The following NKAP variants were observed in gnomAD, a reference collection of about 807,000 sequenced individuals.
NKAP encodes NFKB activating protein.
A neutral mutation model predicts 35.6 loss-of-function variants in NKAP; 4 were observed. The ratio of observed to expected loss-of-function variants is 0.11; its 90% confidence interval spans 0.06 to 0.26. NKAP has a LOEUF of 0.26. NKAP is among the 10% of genes least tolerant of loss of function. NKAP has a pLI of 1.00. For missense variants in NKAP, 238 were observed against 321.9 expected (o/e 0.74, Z 1.99); for synonymous variants, 106 against 119.2 (o/e 0.89, Z 0.72).
At chrX:119,933,601 A>G (rs1474094855) in intron 5 of NKAP, among the ~76,000 whole-genome samples, 1 of 112,218 alleles carries the variant, frequency 8.9e-6, no homozygotes, top group Non-Finnish European at 1.9e-5. Context: ...TGATTGGAAT[A>G]AACTACAGAA....
At chrX:119,929,001 A>G (rs1000446545) in intron 8 of NKAP, among the ~76,000 whole-genome samples, 1 of 110,751 alleles carries the variant, frequency 9.0e-6, no homozygotes, top group Non-Finnish European at 1.9e-5. Flanking sequence ...GGTTCATGCG[A>G]TTCTCCTGCT....
chrX:119,943,636 C>T lies in NKAP; in HGVS notation c.-31G>A, dbSNP rs2056805992. 2 of 1,139,080 alleles carry T rather than the reference C, an allele frequency of 1.8e-6. No homozygotes were observed. Among genetic ancestry groups the T allele is most frequent in the Non-Finnish European group, 2.3e-6 (2 of 863,736 alleles). The allele number at this position is 1,139,080 out of a possible 1,213,427, so 93.9% of individuals were successfully genotyped here. ...CTGGGGGGCCCCAGCAGCCGTGGGA[C>T]AAGGGGGCGCTCTCGCGAGCCTAGG... On this transcript the variant is annotated 5_prime_UTR_variant, in exon 1 of 9. Coordinates refer to ENST00000371410, the MANE Select transcript of NKAP (RefSeq NM_024528.4).
At chrX:119,934,043 T>C (rs1335881163) in intron 5 of NKAP, among the ~76,000 whole-genome samples, 1 of 111,926 alleles carries the variant, frequency 8.9e-6, no homozygotes, top group African/African-American at 3.2e-5. Context: ...AAATAAATGA[T>C]GGATGGCAGA....
chrX:119,934,633 T>A, intron 4 of NKAP, 76 bp from the exon 5 acceptor site: 2 of 659,436 alleles, frequency 3.0e-6, no homozygotes, highest in Non-Finnish European at 4.6e-6. Context: ...AGTAGGTAAC[T>A]ATCCTATTGC....
chrX:119,936,863 G>T (rs2056769377), intron 2 of NKAP, 181 bp from the exon 3 acceptor site: 3 of 394,608 alleles, frequency 7.6e-6, no homozygotes, highest in Non-Finnish European at 1.3e-5. Context: ...CAACAACAAA[G>T]CAAGCACTGA....
At chrX:119,929,684 A>G (rs747708865) in intron 8 of NKAP, among the ~76,000 whole-genome samples, 4 of 111,948 alleles carry the variant, frequency 3.6e-5, no homozygotes, top group Non-Finnish European at 5.6e-5. Context: ...TAACTGCCAC[A>G]TTCCTCATGG....
At position 119,943,591 on chromosome X, in the gene NKAP, G is replaced by A; in HGVS notation, c.15C>T (p.Ser5=). 8.5e-7 allele frequency: 1 copy of A among 1,182,744 alleles called. No individual in the cohort carries two copies. The highest frequency in any genetic ancestry group is 1.1e-6 in the Non-Finnish European group (1 of 879,264). Residue 5 remains serine, a synonymous_variant, in exon 1 of 9, where the codon TCC becomes TCT. Coordinates refer to ENST00000371410, the MANE Select transcript of NKAP (RefSeq NM_024528.4). The stretch of plus-strand genomic sequence containing the variant: ...CCTCCCTATCCGGGCTGCGTGAGCC[G>A]GACACCGGAGCCATGGCTACTGGGG... MAPV[S]GSRSPDREAS...
Position 119,943,577 on chromosome X carries a change from G to A in NKAP, c.29C>T (p.Pro10Leu), listed in dbSNP as rs754433510. The A allele has an allele frequency of 8.4e-7, 1 of 1,191,562 alleles. No individual in the cohort carries two copies. The highest frequency in any genetic ancestry group is 1.1e-6 in the Non-Finnish European group (1 of 883,679). ...CCCCGAGCCCGAGGCCTCCCTATCCGGGCTGCGTGAGCCGGACACCGGAGC... is the reference window on the plus strand; with the variant it reads ...CCCCGAGCCCGAGGCCTCCCTATCCAGGCTGCGTGAGCCGGACACCGGAGC... The part of the protein sequence containing the change: MAPVSGSRS[P>L]DREASGSGGR... Residue 10 changes from proline (P) to leucine (L), a missense_variant, in exon 1 of 9, where the codon CCG becomes CTG. Coordinates refer to ENST00000371410, the MANE Select transcript of NKAP (RefSeq NM_024528.4).
rs752262522 is a variant in NKAP, at chrX:119,943,580, C to G, written c.26G>C (p.Ser9Thr). 8.4e-7 allele frequency: 1 copy of G among 1,188,323 alleles called. No individual in the cohort carries two copies. The highest frequency in any genetic ancestry group is 1.1e-6 in the Non-Finnish European group (1 of 881,947). Residue 9 changes from serine to threonine, a missense_variant, in exon 1 of 9, where the codon AGC (serine) becomes ACC (threonine). Physicochemically the swap from Ser to Thr is moderately conservative, Grantham distance 58. Around this residue, in one of 5 missense-constraint regions of NKAP, gnomAD observed 123 missense variants for 115.3 expected, o/e 1.07. Coordinates refer to ENST00000371410, the MANE Select transcript of NKAP (RefSeq NM_024528.4). MAPVSGSR[S>T]PDREASGSGG... Reference sequence around the variant, plus strand: ...CGAGCCCGAGGCCTCCCTATCCGGGCTGCGTGAGCCGGACACCGGAGCCAT... The same window carrying G: ...CGAGCCCGAGGCCTCCCTATCCGGGGTGCGTGAGCCGGACACCGGAGCCAT...
rs1328233769 is a variant in NKAP at position 119,943,339 on chromosome X, G to C, written c.267C>G (p.Gly89=). Residue 89 remains glycine (G), a synonymous_variant, in exon 1 of 9, where the codon GGC becomes GGG. Transcript: ENST00000371410. ...RSRERPSAPR[G]IPFASASSSV... The stretch of plus-strand genomic sequence containing the variant: ...ACGAGGAGGCAGAAGCGAAGGGGAT[G>C]CCCCGGGGCGCAGAGGGCCGCTCTC... The C allele has an allele frequency of 2.5e-6, 3 of 1,211,066 alleles. No homozygotes were observed. The highest frequency in any genetic ancestry group is 2.2e-6 in the Non-Finnish European group (2 of 895,373).
chrX:119,932,451 C>A (rs1441391277), intron 5 of NKAP: 5 of 214,286 alleles, frequency 2.3e-5, no homozygotes, highest in South Asian at 1.2e-4. Flanking sequence ...GACCCCGTCT[C>A]TATTAAAAAA....
intron 5 of NKAP, 49 bp from the exon 6 acceptor site, chrX:119,932,265 G>A: frequency 1.1e-6 from 1 of 896,921 alleles, no homozygotes; most frequent in Non-Finnish European, 1.6e-6. Flanking sequence ...TCCTATGTTA[G>A]AGGGCATCTT....
intron 8 of NKAP, among the ~76,000 whole-genome samples, chrX:119,929,777 AG>A (rs2056731864): frequency 8.9e-6 from 1 of 112,243 alleles, no homozygotes; most frequent in African/African-American, 3.2e-5. Flanking sequence ...AAAGGACATT[AG>A]GAAGATTGAT....
intron 8 of NKAP, among the ~76,000 whole-genome samples, chrX:119,925,752 T>C (rs977177205): frequency 9.2e-5 from 10 of 108,819 alleles, no homozygotes; most frequent in African/African-American, 3.3e-4. Context: ...TTCACCATGT[T>C]GGCTAGGCTG....
chrX:119,931,938 C>T lies in NKAP; in HGVS notation c.921G>A (p.Leu307=), dbSNP rs1016051315. The part of the protein sequence containing the change: ...KTLTSQDDKP[L]NYGHALLPGE... The stretch of plus-strand genomic sequence containing the variant: ...ATTATAAACACACTGCTGCTTACTT[C>T]AAAGGTTTATCATCTTGAGAGGTAA... Residue 307 remains leucine (L), a splice_region_variant and synonymous_variant, in exon 7 of 9, where the codon TTG becomes TTA. Coordinates refer to ENST00000371410, the MANE Select transcript of NKAP (RefSeq NM_024528.4). 5 of 1,182,806 alleles carry T rather than the reference C, an allele frequency of 4.2e-6. No homozygotes were observed. In the Admixed American group the frequency reaches 1.2e-4, roughly 28 times the overall value.
In NKAP at chrX:119,932,104, T is replaced by C; in HGVS notation, c.847+3A>G. The C allele has an allele frequency of 8.3e-7, 1 of 1,199,356 alleles. No homozygotes were observed. Among genetic ancestry groups the C allele is most frequent in the South Asian group, 1.8e-5 (1 of 56,380 alleles). On this transcript the variant is annotated splice_donor_region_variant and intron_variant, in intron 6 of 8. Coordinates refer to ENST00000371410, the MANE Select transcript of NKAP (RefSeq NM_024528.4). ...TCTGAGTTAGTCTATCAGAAGAACC[T>C]ACTTGTTCGATCCTTCCAGGGATTT...
At chrX:119,931,126 A>G (rs1316558310) in intron 7 of NKAP, among the ~76,000 whole-genome samples, 1 of 110,036 alleles carries the variant, frequency 9.1e-6, no homozygotes, top group Non-Finnish European at 1.9e-5. Context: ...TGGGCAACAG[A>G]GTGAAACTCA....
intron 4 of NKAP, 138 bp downstream of exon 4, chrX:119,936,159 G>A: frequency 1.7e-6 from 1 of 590,051 alleles, no homozygotes; most frequent in Non-Finnish European, 2.7e-6. Flanking sequence ...ACTTATTGGG[G>A]TACCTGGCAC....
intron 8 of NKAP, among the ~76,000 whole-genome samples, chrX:119,926,567 G>A (rs1254316860): frequency 9.0e-6 from 1 of 111,056 alleles, no homozygotes; most frequent in Admixed American, 9.6e-5. Flanking sequence ...ATGCCTGGCC[G>A]CTATCATTAA....
Sources: allele counts gnomAD v4.1 joint callset (sites outside exome capture counted in the v4.1 genomes callset), GRCh38; gene constraint gnomAD v4.1.1; regional missense constraint gnomAD v4.1.1; transcripts MANE v1.5; gene names NCBI Gene and HGNC (gene_info 2026-07-23, HGNC 2026-07-21).